TENM2: variants seen among roughly 807,000 people sequenced by gnomAD.
The protein encoded by TENM2 is teneurin transmembrane protein 2, also known as teneurin-2.
In TENM2, 52 loss-of-function variants were observed where a neutral mutation model predicts 245.2. That is an observed-to-expected ratio of 0.21 (90% CI 0.17 to 0.27). The LOEUF is 0.27. Ranked by LOEUF, TENM2 falls within the 10% of genes least tolerant of loss-of-function variation. TENM2 has a pLI of 1.00. For missense variants in TENM2, 3,046 were observed against 3,666.8 expected (o/e 0.83, Z 4.37); for synonymous variants, 1,363 against 1,438.9 (o/e 0.95, Z 1.19).
chr5:167,446,554 T>A (rs1582070818), intron 2 of TENM2, among the ~76,000 whole-genome samples: 1 of 152,320 alleles, frequency 6.6e-6, no homozygotes, highest in African/African-American at 2.4e-5. Context: ...GTATAAGAAG[T>A]CCAGAAAACT....
intron 4 of TENM2, among the ~76,000 whole-genome samples, chr5:167,954,801 CTTTTGT>C (rs1434802706): frequency 2.0e-5 from 3 of 152,128 alleles, no homozygotes; most frequent in Non-Finnish European, 4.4e-5. Flanking sequence ...TGAACTCATC[CTTTTGT>C]TATGGCTGCA....
chr5:167,064,110 T>C, the TENM2 span, among the ~76,000 whole-genome samples: 2 of 152,124 alleles, frequency 1.3e-5, no homozygotes, highest in Non-Finnish European at 2.9e-5. Flanking sequence ...ACCTAATATA[T>C]TGAGGGGAGA....
intron 2 of TENM2, among the ~76,000 whole-genome samples, chr5:167,429,377 T>C (rs1341605447): frequency 1.3e-5 from 2 of 152,216 alleles, no homozygotes; most frequent in African/African-American, 4.8e-5. Flanking sequence ...CAAAATTACT[T>C]ACTGCACATC....
chr5:167,478,601 G>A (rs897263569), intron 2 of TENM2, among the ~76,000 whole-genome samples: 1 of 152,086 alleles, frequency 6.6e-6, no homozygotes, highest in Non-Finnish European at 1.5e-5. Flanking sequence ...AACCTTTCTG[G>A]GGTTACTCTA....
chr5:167,143,622 G>A, the TENM2 span, among the ~76,000 whole-genome samples: 1 of 152,254 alleles, frequency 6.6e-6, no homozygotes, highest in East Asian at 1.9e-4. Flanking sequence ...CAGATTTTGA[G>A]TAGGCCTTAA....
At chr5:167,556,034 A>G (rs891071972) in intron 2 of TENM2, among the ~76,000 whole-genome samples, 4 of 152,144 alleles carry the variant, frequency 2.6e-5, no homozygotes, top group African/African-American at 9.7e-5. Context: ...AAATGCCCTT[A>G]TTAAATTTCC....
At chr5:167,563,891 G>A (rs1416852226) in intron 2 of TENM2, among the ~76,000 whole-genome samples, 1 of 152,162 alleles carries the variant, frequency 6.6e-6, no homozygotes, top group Non-Finnish European at 1.5e-5. Context: ...GTGAAGTAGG[G>A]TTTACCATCT....
chr5:167,843,450 ACTGT>A (rs765656312), intron 2 of TENM2, among the ~76,000 whole-genome samples: 4 of 152,050 alleles, frequency 2.6e-5, no homozygotes, highest in Non-Finnish European at 2.9e-5. Flanking sequence ...TAGCAGTTAA[ACTGT>A]CTGTTACTAT....
At chr5:168,180,052 A>G (rs879557804) in intron 13 of TENM2, among the ~76,000 whole-genome samples, 1 of 152,134 alleles carries the variant, frequency 6.6e-6, no homozygotes, top group Non-Finnish European at 1.5e-5. Flanking sequence ...AGTAGTACCG[A>G]CGTGGTTTGT....
chr5:168,189,808 A>G (rs904301730), intron 13 of TENM2, among the ~76,000 whole-genome samples: 6 of 152,122 alleles, frequency 3.9e-5, no homozygotes, highest in Admixed American at 2.0e-4. Context: ...GGGTCTCACT[A>G]TGTTGCCCAG....
At chr5:167,763,399 C>T (rs559717042) in intron 2 of TENM2, among the ~76,000 whole-genome samples, 2 of 152,286 alleles carry the variant, frequency 1.3e-5, no homozygotes, top group South Asian at 4.1e-4. Flanking sequence ...ATGGCAGCCT[C>T]AAGCTCCCAA....
the TENM2 span, among the ~76,000 whole-genome samples, chr5:167,128,189 A>T: frequency 6.6e-6 from 1 of 152,138 alleles, no homozygotes; most frequent in Admixed American, 6.5e-5. Context: ...CTAGGTAAAA[A>T]TGCTTGGTTC....
chr5:168,168,249 T>G, intron 13 of TENM2, among the ~76,000 whole-genome samples: 1 of 152,188 alleles, frequency 6.6e-6, no homozygotes, highest in East Asian at 1.9e-4. Context: ...CTTTTTAAAA[T>G]AATGGTGTTC....
At chr5:168,048,374 T>C (rs954782520) in intron 6 of TENM2, among the ~76,000 whole-genome samples, 1 of 152,130 alleles carries the variant, frequency 6.6e-6, no homozygotes, top group African/African-American at 2.4e-5. Context: ...CATGCAAATT[T>C]CCATTCTGCC....
chr5:167,525,741 T>C (rs1771068310), intron 2 of TENM2, among the ~76,000 whole-genome samples: 1 of 152,148 alleles, frequency 6.6e-6, no homozygotes, highest in South Asian at 2.1e-4. Flanking sequence ...AGGAGCTCTA[T>C]GGTAGGAATC....
At position 167,507,797 on chromosome 5, in the gene TENM2, T is replaced by A. The variant is rs567334406; in HGVS notation, c.502+132324T>A. Among the ~76,000 whole-genome samples the A allele has an allele frequency of 3.3e-5, 5 of 152,338 alleles. No individual in the cohort carries two copies. In the South Asian group the frequency reaches 1.0e-3, roughly 32 times the overall value. On this transcript the variant is annotated intron_variant, in intron 2 of 28. Transcript: ENST00000518659. ...ATAACAATTACCATAGGAATTACCA[T>A]GGAATGTGAATTTCTTTTTCCTCTT...
intron 6 of TENM2, among the ~76,000 whole-genome samples, chr5:168,049,728 G>A (rs1440988271): frequency 3.3e-5 from 5 of 152,174 alleles, no homozygotes; most frequent in African/African-American, 4.8e-5. Context: ...AAATGTTGTT[G>A]TAGAAGTCAT....
intron 4 of TENM2, among the ~76,000 whole-genome samples, chr5:167,966,125 G>A (rs1781370279): frequency 6.6e-6 from 1 of 152,200 alleles, no homozygotes; most frequent in African/African-American, 2.4e-5. Context: ...TGAGGAATTG[G>A]TGGCAACCCG....
intron 7 of TENM2, chr5:168,085,195 A>G (rs1792342374): frequency 6.6e-6 from 1 of 152,254 alleles, no homozygotes; most frequent in African/African-American, 2.4e-5. Flanking sequence ...TATGCCTGGC[A>G]TGTAGCAAGT....
Sources: gnomAD v4.1 joint callset for allele counts (sites outside exome capture counted in the v4.1 genomes callset) on GRCh38, gnomAD v4.1.1 for gene constraint, MANE v1.5 for transcripts, NCBI Gene and HGNC (gene_info 2026-07-23, HGNC 2026-07-21) for gene names.